TRIP10: variants seen among roughly 807,000 people sequenced by gnomAD.
TRIP10 encodes the protein cdc42-interacting protein 4.
TRIP10 carries 54 observed loss-of-function variants against 80.9 expected under a neutral mutation model. That is an observed-to-expected ratio of 0.67 (90% CI 0.54 to 0.84). TRIP10 has a LOEUF of 0.84. Ranked by LOEUF, TRIP10 falls within the 40% of genes least tolerant of loss-of-function variation. The pLI is 0.00. For missense variants in TRIP10, 773 were observed against 815.3 expected (o/e 0.95, Z 0.63); for synonymous variants, 321 against 307.2 (o/e 1.04, Z -0.47).
In TRIP10 at chr19:6,740,627, GC is replaced by G. The variant is rs1426723679; in HGVS notation, c.25-381del. ...CTGGCCACTCAGGGGCCCCCAGTCTGCCAGGAACCCTGCCCCTCTGGCCTTG... is the reference window on the plus strand; with the variant it reads ...CTGGCCACTCAGGGGCCCCCAGTCTGCAGGAACCCTGCCCCTCTGGCCTTG... On this transcript the variant is annotated intron_variant, in intron 1 of 14. Transcript: ENST00000313244. 25 of 204,978 alleles carry G rather than the reference GC, an allele frequency of 1.2e-4. No homozygotes were observed. The East Asian group carries it at 2.9e-3, about 24-fold the overall frequency. 12.7% of individuals were successfully genotyped at this position (204,978 alleles called of 1,614,324 possible).
Position 6,746,055 on chromosome 19 carries a change from G to T in TRIP10, c.1011G>T (p.Leu337=). ...CTCGCCCCCCACCCCTCTCCCCCCT[G>T]GGGGGCCCCGTACCCTCGGCATTGC... ...NKPRPPPLSP[L]GGPVPSALPN... Residue 337 remains leucine (L), a synonymous_variant, in exon 10 of 15, where the codon CTG becomes CTT. Transcript: ENST00000313244. This position sits in a 1 kb window ranked among gnomAD's most constrained non-coding sequence, Gnocchi z 6.2. 2.0e-6 allele frequency: 2 copies of T among 1,023,234 alleles called. No individual in the cohort carries two copies. Among genetic ancestry groups the T allele is most frequent in the East Asian group, 7.5e-5 (1 of 13,410 alleles). The allele number at this position is 1,023,234 out of a possible 1,614,324, so 63.4% of individuals were successfully genotyped here. A position where few individuals can be genotyped will look rare whatever the true frequency, so the allele number is the denominator to read the frequency against.
rs764378313 is a variant in TRIP10, at chr19:6,751,284, C to G, written c.*73C>G. Reference sequence around the variant, plus strand: ...GCCACGGGGAGCCCCAGGACCTATGCACTTTATTTCTGACCCCGTGGCTTC... The same window carrying G: ...GCCACGGGGAGCCCCAGGACCTATGGACTTTATTTCTGACCCCGTGGCTTC... On this transcript the variant is annotated 3_prime_UTR_variant, in exon 15 of 15. Transcript: ENST00000313244. 4 of 1,604,734 alleles carry G rather than the reference C, an allele frequency of 2.5e-6. No homozygotes were observed. Among genetic ancestry groups the G allele is most frequent in the African/African-American group, 2.7e-5 (2 of 74,682 alleles).
rs1039997339 is a variant in TRIP10, at chr19:6,745,175, C to T, written c.984+181C>T. On this transcript the variant is annotated intron_variant, in intron 9 of 14. Coordinates refer to ENST00000313244, the MANE Select transcript of TRIP10 (RefSeq NM_001288962.2). This position sits in a 1 kb window ranked among gnomAD's most constrained non-coding sequence, Gnocchi z 7.2. Reference sequence around the variant, plus strand: ...CGATTGGCCTGGGAGTCCCCCGAGGCGAAGGCGGGGGCAGGGTGGGGAGGT... The same window carrying T: ...CGATTGGCCTGGGAGTCCCCCGAGGTGAAGGCGGGGGCAGGGTGGGGAGGT... 6.1e-5 allele frequency: 51 copies of T among 829,352 alleles called. No homozygotes were observed. The highest frequency in any genetic ancestry group is 7.3e-4 in the Middle Eastern group (2 of 2,722). 51.4% of individuals were successfully genotyped at this position (829,352 alleles called of 1,614,324 possible). A position where few individuals can be genotyped will look rare whatever the true frequency, so the allele number is the denominator to read the frequency against.
Position 6,744,510 on chromosome 19 carries a change from C to T in TRIP10, c.643-44C>T. Reference sequence around the variant, plus strand: ...AGAGTGAATCACTGTGCTTCTAGTCCCTCTGTTAGCACCCCTGAGCCACCC... The same window carrying T: ...AGAGTGAATCACTGTGCTTCTAGTCTCTCTGTTAGCACCCCTGAGCCACCC... On this transcript the variant is annotated intron_variant, in intron 7 of 14. Coordinates refer to ENST00000313244, the MANE Select transcript of TRIP10 (RefSeq NM_001288962.2). This position sits in a 1 kb window ranked among gnomAD's most constrained non-coding sequence, Gnocchi z 4.9. The T allele has an allele frequency of 3.1e-6, 5 of 1,611,676 alleles. No homozygotes were observed. Among genetic ancestry groups the T allele is most frequent in the Non-Finnish European group, 4.2e-6 (5 of 1,179,596 alleles).
At chr19:6,750,785 C>A in intron 14 of TRIP10, 152 bp downstream of exon 14, 1 of 1,266,904 alleles carries the variant, frequency 7.9e-7, no homozygotes, top group Non-Finnish European at 1.1e-6. Flanking sequence ...CACTTGAGGT[C>A]AAGAATTCCA....
chr19:6,744,739 G>A lies in TRIP10; in HGVS notation c.789+39G>A, dbSNP rs1751282674. On this transcript the variant is annotated intron_variant, in intron 8 of 14. Coordinates refer to ENST00000313244, the MANE Select transcript of TRIP10 (RefSeq NM_001288962.2). The surrounding 1 kb of genome is among the most constrained non-coding windows in gnomAD (Gnocchi z 4.9). ...CTGGGTCCACTGGGCTACGGGAAGG[G>A]CAGAGGGAGGTACCCATAGGCTAGG... 6.3e-7 allele frequency: 1 copy of A among 1,592,220 alleles called. No homozygotes were observed. The highest frequency in any genetic ancestry group is 1.3e-5 in the African/African-American group (1 of 74,600).
At chr19:6,740,926 TG>T in intron 1 of TRIP10, 83 bp from the exon 2 acceptor site, 1 of 1,269,302 alleles carries the variant, frequency 7.9e-7, no homozygotes, top group Non-Finnish European at 1.1e-6. Flanking sequence ...TGGCCCTCCC[TG>T]GGAGTCTGGT....
chr19:6,745,838 GGTTGTGCATCTTGA>G lies in TRIP10; in HGVS notation c.985-184_985-171del. 2.0e-6 allele frequency: 2 copies of G among 985,294 alleles called. No individual in the cohort carries two copies. The highest frequency in any genetic ancestry group is 2.4e-6 in the Non-Finnish European group (2 of 829,902). 61.0% of individuals were successfully genotyped at this position (985,294 alleles called of 1,614,324 possible). A position where few individuals can be genotyped will look rare whatever the true frequency, so the allele number is the denominator to read the frequency against. On this transcript the variant is annotated intron_variant, in intron 9 of 14. Transcript: ENST00000313244. This position sits in a 1 kb window ranked among gnomAD's most constrained non-coding sequence, Gnocchi z 7.2. ...GCTCCTGCATGCGTTTTCTCTGTGTGGTTGTGCATCTTGAGTTGTGGTTTTCTTACCGTTTTTTT... is the reference window on the plus strand; with the variant it reads ...GCTCCTGCATGCGTTTTCTCTGTGTGGTTGTGGTTTTCTTACCGTTTTTTT...
At chr19:6,749,044 G>C (rs1279816946) in intron 11 of TRIP10, among the ~76,000 whole-genome samples, 1 of 152,040 alleles carries the variant, frequency 6.6e-6, no homozygotes, top group African/African-American at 2.4e-5. Context: ...GTCTTGTTTA[G>C]TGTTATATTT....
chr19:6,746,627 T>C lies in TRIP10; in HGVS notation c.1262+66T>C, dbSNP rs1969143075. On this transcript the variant is annotated intron_variant, in intron 11 of 14. Coordinates refer to ENST00000313244, the MANE Select transcript of TRIP10 (RefSeq NM_001288962.2). The surrounding 1 kb of genome is among the most constrained non-coding windows in gnomAD (Gnocchi z 6.2). ...TAAAATAGTAAATGAACTTCACTTATTTGTTTATTATTTTATTTTATTTAT... is the reference window on the plus strand; with the variant it reads ...TAAAATAGTAAATGAACTTCACTTACTTGTTTATTATTTTATTTTATTTAT... The C allele has an allele frequency of 1.1e-5, 13 of 1,140,756 alleles. No individual in the cohort carries two copies. The highest frequency in any genetic ancestry group is 1.6e-5 in the Non-Finnish European group (13 of 807,528). 70.7% of individuals were successfully genotyped at this position (1,140,756 alleles called of 1,614,324 possible).
chr19:6,747,571 T>C (rs554563017), intron 11 of TRIP10, among the ~76,000 whole-genome samples: 59 of 152,026 alleles, frequency 3.9e-4, no homozygotes, highest in Admixed American at 3.3e-4. Context: ...GGAGGGCAGA[T>C]CACGTGAGGT....
chr19:6,743,438 C>T, intron 5 of TRIP10, 56 bp from the exon 6 acceptor site: 1 of 1,591,636 alleles, frequency 6.3e-7, no homozygotes, highest in Non-Finnish European at 8.6e-7. Context: ...CTTGGTTTCC[C>T]ACCCTGCTGT....
intron 14 of TRIP10, 149 bp downstream of exon 14, chr19:6,750,782 G>T: frequency 7.8e-7 from 1 of 1,285,586 alleles, no homozygotes; most frequent in Non-Finnish European, 1.1e-6. Context: ...GATCACTTGA[G>T]GTCAAGAATT....
At chr19:6,743,306 G>A (rs772131231) in intron 5 of TRIP10, 50 bp downstream of exon 5, 6 of 1,606,760 alleles carry the variant, frequency 3.7e-6, no homozygotes, top group Non-Finnish European at 5.1e-6. Flanking sequence ...ATGGGGGCAG[G>A]GTTGCGGATC....
At chr19:6,750,654 C>T in intron 14 of TRIP10, 21 bp downstream of exon 14, 1 of 1,613,062 alleles carries the variant, frequency 6.2e-7, no homozygotes, top group South Asian at 1.1e-5. Context: ...CCAGAGTGGG[C>T]TTGGCGGGGT....
At chr19:6,750,194 C>T in intron 12 of TRIP10, 98 bp from the exon 13 acceptor site, 1 of 1,580,874 alleles carries the variant, frequency 6.3e-7, no homozygotes, top group Non-Finnish European at 8.6e-7. Flanking sequence ...CCATCACAGC[C>T]TTGGCTGTGC....
chr19:6,750,897 G>A (rs901926928), intron 14 of TRIP10, 166 bp from the exon 15 acceptor site: 2 of 1,203,934 alleles, frequency 1.7e-6, no homozygotes, highest in East Asian at 2.7e-5. Flanking sequence ...TCGGGAGGCT[G>A]AGGCAGGAGA....
rs1327388397 is a variant in TRIP10, at chr19:6,749,901, G to A, written c.1263-33G>A. ...AACAAAAAAACTCACACGGAAGTAT[G>A]TTTTCCTGTCTATCCTGTCTCCCTT... On this transcript the variant is annotated intron_variant, in intron 11 of 14. Transcript: ENST00000313244. 16 of 1,598,198 alleles carry A rather than the reference G, an allele frequency of 1.0e-5. No homozygotes were observed. The East Asian group carries it at 3.4e-4, about 34-fold the overall frequency.
In TRIP10 at chr19:6,751,313, T is replaced by G. The variant is rs748032294; in HGVS notation, c.*102T>G. 6.3e-7 allele frequency: 1 copy of G among 1,580,986 alleles called. No individual in the cohort carries two copies. Among genetic ancestry groups the G allele is most frequent in the South Asian group, 1.2e-5 (1 of 86,144 alleles). Reference sequence around the variant, plus strand: ...TTATTTCTGACCCCGTGGCTTCGGCTGAGACCTGTGTAACCTGCTGCCCCC... The same window carrying G: ...TTATTTCTGACCCCGTGGCTTCGGCGGAGACCTGTGTAACCTGCTGCCCCC... On this transcript the variant is annotated 3_prime_UTR_variant, in exon 15 of 15. Coordinates refer to ENST00000313244, the MANE Select transcript of TRIP10 (RefSeq NM_001288962.2).
Sources: gnomAD v4.1 joint callset for allele counts (sites outside exome capture counted in the v4.1 genomes callset) on GRCh38, gnomAD v4.1.1 for gene constraint, Gnocchi (gnomAD v3.1) non-coding constraint, MANE v1.5 for transcripts, NCBI Gene and HGNC (gene_info 2026-07-23, HGNC 2026-07-21) for gene names.